Variants in HDAC9 observed in about 807,000 individuals in gnomAD.
HDAC9 encodes MEF-2 interacting transcription repressor (MITR) protein.
HDAC9 carries 41 observed loss-of-function variants against 139.4 expected under a neutral mutation model. That is an observed-to-expected ratio of 0.29 (90% CI 0.23 to 0.38). The LOEUF is 0.38. Ranked by LOEUF, HDAC9 falls within the 10% of genes least tolerant of loss-of-function variation. The pLI, the probability that HDAC9 is intolerant of heterozygous loss-of-function variation, is 1.00. For synonymous variants in HDAC9, 517 were observed against 476.2 expected (o/e 1.09, Z -1.12); for missense variants, 1,147 against 1,297.0 (o/e 0.88, Z 1.78).
intron 2 of HDAC9, among the ~76,000 whole-genome samples, chr7:18,514,694 A>T (rs1802613067): frequency 6.6e-6 from 1 of 152,032 alleles, no homozygotes; most frequent in African/African-American, 2.4e-5. Flanking sequence ...AAACCTCAGG[A>T]TTTGGAAGGC....
chr7:18,675,642 T>A (rs148423422), intron 12 of HDAC9, among the ~76,000 whole-genome samples: 29 of 152,162 alleles, frequency 1.9e-4, no homozygotes, highest in African/African-American at 6.7e-4. Context: ...AAAAAAATTA[T>A]AGTACAGTAC....
intron 11 of HDAC9, among the ~76,000 whole-genome samples, chr7:18,660,287 A>G (rs1011028065): frequency 5.9e-5 from 9 of 152,142 alleles, no homozygotes; most frequent in African/African-American, 1.4e-4. Flanking sequence ...CCCTTTCTGC[A>G]TTTATATTTT....
intron 17 of HDAC9, among the ~76,000 whole-genome samples, chr7:18,810,869 T>G (rs1314623326): frequency 6.6e-6 from 1 of 151,888 alleles, no homozygotes; most frequent in African/African-American, 2.4e-5. Context: ...CTGAGTAGTA[T>G]TTTATGAATA....
intron 2 of HDAC9, among the ~76,000 whole-genome samples, chr7:18,540,103 C>CAAAAAAAAAAAAA (rs34620445): frequency 1.0e-4 from 6 of 58,406 alleles, no homozygotes; most frequent in Non-Finnish European, 1.4e-4. Flanking sequence ...ACTAAAAATA[C>CAAAAAAAAAAAAA]AAAAAAAAAA....
At chr7:18,757,496 T>C (rs1270816664) in intron 14 of HDAC9, among the ~76,000 whole-genome samples, 1 of 152,164 alleles carries the variant, frequency 6.6e-6, no homozygotes, top group Non-Finnish European at 1.5e-5. Context: ...ATGCAACCCA[T>C]CTGTTCTGCT....
chr7:18,866,724 G>A (rs935400827), intron 21 of HDAC9, among the ~76,000 whole-genome samples: 1 of 152,138 alleles, frequency 6.6e-6, no homozygotes, highest in African/African-American at 2.4e-5. Flanking sequence ...TGAGTTGCAG[G>A]CTGTGGAACC....
chr7:18,525,023 TAA>T (rs1806372244), intron 2 of HDAC9, among the ~76,000 whole-genome samples: 1 of 152,168 alleles, frequency 6.6e-6, no homozygotes, highest in Non-Finnish European at 1.5e-5. Flanking sequence ...AAAATCATTT[TAA>T]GATTTAATAA....
chr7:18,999,132 T>C lies in HDAC9; in HGVS notation c.*3070T>C, dbSNP rs944592815. 1.3e-5 allele frequency: 2 copies of C among 152,182 alleles called. No individual in the cohort carries two copies. Among genetic ancestry groups the C allele is most frequent in the African/African-American group, 2.4e-5 (1 of 41,448 alleles). The allele number at this position is 152,182 out of a possible 1,614,324, so 9.4% of individuals were successfully genotyped here. A position where few individuals can be genotyped will look rare whatever the true frequency, so the allele number is the denominator to read the frequency against. ...GCTTTGGAGAAAATAGAGATATTTATGAAAAAACTACTACAAATCACATTT... is the reference window on the plus strand; with the variant it reads ...GCTTTGGAGAAAATAGAGATATTTACGAAAAAACTACTACAAATCACATTT... On this transcript the variant is annotated 3_prime_UTR_variant, in exon 26 of 26. Transcript: ENST00000686413.
At chr7:18,952,875 A>C (rs1782898716) in intron 23 of HDAC9, among the ~76,000 whole-genome samples, 1 of 151,546 alleles carries the variant, frequency 6.6e-6, no homozygotes, top group Non-Finnish European at 1.5e-5. Context: ...TTGATGTTTA[A>C]AAGTTTTTCT....
At chr7:18,571,636 T>TA (rs1583522018) in intron 2 of HDAC9, among the ~76,000 whole-genome samples, 2 of 151,920 alleles carry the variant, frequency 1.3e-5, no homozygotes, top group Admixed American at 1.3e-4. Context: ...TTTTATTTTT[T>TA]TTTTTGGTAA....
intron 12 of HDAC9, among the ~76,000 whole-genome samples, chr7:18,678,761 T>G (rs1368647802): frequency 6.6e-6 from 1 of 151,990 alleles, no homozygotes; most frequent in Non-Finnish European, 1.5e-5. Flanking sequence ...GCTTAATTTT[T>G]CTCTTGAATA....
At chr7:18,925,150 A>T (rs1001697423) in intron 22 of HDAC9, among the ~76,000 whole-genome samples, 5 of 152,172 alleles carry the variant, frequency 3.3e-5, no homozygotes, top group Admixed American at 1.3e-4. Flanking sequence ...TTTTTCAGGC[A>T]CAACTGGCAC....
At chr7:18,274,496 C>T (rs929419220) in intron 2 of HDAC9, among the ~76,000 whole-genome samples, 1 of 152,166 alleles carries the variant, frequency 6.6e-6, no homozygotes, top group Non-Finnish European at 1.5e-5. Context: ...TTAATCTATT[C>T]ATGAAGGATC....
chr7:18,679,439 T>G (rs1199152331), intron 12 of HDAC9, among the ~76,000 whole-genome samples: 1 of 151,878 alleles, frequency 6.6e-6, no homozygotes, highest in Non-Finnish European at 1.5e-5. Context: ...CTAATCTCCA[T>G]TTAAAGAATT....
intron 1 of HDAC9, among the ~76,000 whole-genome samples, chr7:18,416,917 T>A (rs183720723): frequency 6.6e-6 from 1 of 152,296 alleles, no homozygotes; most frequent in East Asian, 1.9e-4. Flanking sequence ...TGGTTTTGAG[T>A]ATTTGATTAT....
At chr7:18,183,095 C>T (rs557567472) in intron 2 of HDAC9, among the ~76,000 whole-genome samples, 10 of 151,950 alleles carry the variant, frequency 6.6e-5, no homozygotes, top group Non-Finnish European at 7.4e-5. Flanking sequence ...CTGCAAGCTC[C>T]GCCTCCTGGG....
chr7:18,471,683 C>G (rs917094412), intron 1 of HDAC9, among the ~76,000 whole-genome samples: 9 of 152,192 alleles, frequency 5.9e-5, no homozygotes, highest in African/African-American at 2.2e-4. Context: ...TGTGCACATG[C>G]TGTTCTGTGT....
intron 2 of HDAC9, among the ~76,000 whole-genome samples, chr7:18,534,538 C>T (rs1467947863): frequency 6.6e-6 from 1 of 152,008 alleles, no homozygotes; most frequent in Non-Finnish European, 1.5e-5. Context: ...CAGAATAAGA[C>T]CTTGTCTAAA....
chr7:18,167,731 C>T (rs1474139784), intron 2 of HDAC9, among the ~76,000 whole-genome samples: 1 of 152,132 alleles, frequency 6.6e-6, no homozygotes, highest in Non-Finnish European at 1.5e-5. Flanking sequence ...GTTCACATTT[C>T]GTTGAGTGGA....
Sources: allele counts gnomAD v4.1 joint callset (sites outside exome capture counted in the v4.1 genomes callset), GRCh38; gene constraint gnomAD v4.1.1; transcripts MANE v1.5; gene names NCBI Gene and HGNC (gene_info 2026-07-23, HGNC 2026-07-21).